Variants in CNTNAP5 observed in about 807,000 individuals in gnomAD.
CNTNAP5 encodes the protein contactin-associated protein-like 5.
In CNTNAP5, 72 loss-of-function variants were observed where a neutral mutation model predicts 150.2. The observed-to-expected ratio is 0.48, with a 90% CI of 0.40 to 0.58. The LOEUF (loss-of-function observed/expected upper bound fraction) is 0.58. CNTNAP5 is among the 20% of genes least tolerant of loss of function. CNTNAP5 has a pLI of 0.00. For missense variants in CNTNAP5, 1,636 were observed against 1,626.2 expected (o/e 1.01, Z -0.10); for synonymous variants, 672 against 619.8 (o/e 1.08, Z -1.25).
intron 1 of CNTNAP5, among the ~76,000 whole-genome samples, chr2:124,207,236 G>A (rs1489708254): frequency 6.6e-6 from 1 of 152,144 alleles, no homozygotes; most frequent in Non-Finnish European, 1.5e-5. Context: ...TCTTCCTCCT[G>A]TCTTTTCCAA....
intron 13 of CNTNAP5, among the ~76,000 whole-genome samples, chr2:124,725,705 G>A (rs913770897): frequency 2.6e-5 from 4 of 151,920 alleles, no homozygotes; most frequent in East Asian, 3.9e-4. Flanking sequence ...CTCTTCGAAC[G>A]ACATGTCTCT....
intron 1 of CNTNAP5, among the ~76,000 whole-genome samples, chr2:124,052,311 T>G (rs1341054711): frequency 6.6e-6 from 1 of 152,198 alleles, no homozygotes; most frequent in Admixed American, 6.5e-5. Context: ...AACCTTCATC[T>G]GCAAATGATA....
chr2:124,585,456 G>A (rs1365321661), intron 11 of CNTNAP5, among the ~76,000 whole-genome samples: 2 of 152,154 alleles, frequency 1.3e-5, no homozygotes, highest in African/African-American at 2.4e-5. Context: ...ATGGATCCAG[G>A]AACAGAGATC....
intron 1 of CNTNAP5, among the ~76,000 whole-genome samples, chr2:124,126,616 T>A (rs1558766186): frequency 2.0e-5 from 3 of 152,104 alleles, no homozygotes; most frequent in Non-Finnish European, 4.4e-5. Context: ...AAAAAGAGAA[T>A]TTTAGTCCAA....
At chr2:124,257,847 T>C (rs1225717776) in intron 3 of CNTNAP5, among the ~76,000 whole-genome samples, 2 of 152,158 alleles carry the variant, frequency 1.3e-5, no homozygotes, top group African/African-American at 4.8e-5. Flanking sequence ...TGGTCTGGTA[T>C]GGAGTAAACA....
chr2:124,653,911 A>ACC (rs70996088), intron 13 of CNTNAP5, among the ~76,000 whole-genome samples: 1,515 of 57,360 alleles, frequency 0.026, 58 homozygotes, highest in African/African-American at 0.038. Context: ...ACTGCCCCCA[A>ACC]CCCCCCCCCC....
At chr2:124,404,005 C>T (rs1474326737) in intron 3 of CNTNAP5, among the ~76,000 whole-genome samples, 2 of 152,170 alleles carry the variant, frequency 1.3e-5, no homozygotes, top group Non-Finnish European at 2.9e-5. Context: ...CCACTGGGTC[C>T]CTCTCATGAC....
chr2:124,226,756 AG>A (rs1686469190), intron 2 of CNTNAP5, among the ~76,000 whole-genome samples: 1 of 152,070 alleles, frequency 6.6e-6, no homozygotes, highest in South Asian at 2.1e-4. Flanking sequence ...GAGAAGTCCA[AG>A]GTCAAGGGGG....
At chr2:124,855,167 C>CTTTTTTTTTTTTTT (rs70999224) in intron 19 of CNTNAP5, among the ~76,000 whole-genome samples, 1 of 71,434 alleles carries the variant, frequency 1.4e-5, no homozygotes. Context: ...TGGGCTTTTG[C>CTTTTTTTTTTTTTT]TTTTTTTTTT....
At chr2:124,236,303 T>C (rs1686745296) in intron 2 of CNTNAP5, among the ~76,000 whole-genome samples, 1 of 152,152 alleles carries the variant, frequency 6.6e-6, no homozygotes, top group Non-Finnish European at 1.5e-5. Context: ...CTAATTAATG[T>C]GGAACTGGAA....
At chr2:124,309,700 C>A (rs1450951984) in intron 3 of CNTNAP5, among the ~76,000 whole-genome samples, 1 of 152,166 alleles carries the variant, frequency 6.6e-6, no homozygotes, top group Non-Finnish European at 1.5e-5. Context: ...AGCGGTGCCT[C>A]CCCTGAGGAT....
At chr2:124,818,420 G>A (rs910862690) in intron 19 of CNTNAP5, among the ~76,000 whole-genome samples, 6 of 152,086 alleles carry the variant, frequency 3.9e-5, no homozygotes, top group Admixed American at 2.0e-4. Context: ...CCAGCTACTT[G>A]GGAGGCAGAG....
At chr2:124,442,162 G>C (rs1014824494) in intron 5 of CNTNAP5, among the ~76,000 whole-genome samples, 10 of 152,174 alleles carry the variant, frequency 6.6e-5, no homozygotes, top group African/African-American at 2.4e-4. Flanking sequence ...ACCCAGGAGA[G>C]AAAGGGCTGA....
intron 11 of CNTNAP5, among the ~76,000 whole-genome samples, chr2:124,565,985 ACT>A: frequency 6.6e-6 from 1 of 151,538 alleles, no homozygotes; most frequent in Non-Finnish European, 1.5e-5. Flanking sequence ...AGGAAGAAAA[ACT>A]AATGAACTCT....
In CNTNAP5 at chr2:124,352,582, C is replaced by T. The variant is rs143157275; in HGVS notation, c.382-64861C>T. On this transcript the variant is annotated intron_variant, in intron 3 of 23. Transcript: ENST00000682447. Reference sequence around the variant, plus strand: ...TTTCTGGAAGTTACATGACATTTCTCAGCTTCTGAAGTCTGCTTTGGAAAG... The same window carrying T: ...TTTCTGGAAGTTACATGACATTTCTTAGCTTCTGAAGTCTGCTTTGGAAAG... 2.6e-5 allele frequency among the ~76,000 whole-genome samples: 4 copies of T among 152,294 alleles called. No individual in the cohort carries two copies. The East Asian group carries it at 7.7e-4, about 29-fold the overall frequency.
At chr2:124,323,668 C>T (rs1317006427) in intron 3 of CNTNAP5, among the ~76,000 whole-genome samples, 1 of 152,140 alleles carries the variant, frequency 6.6e-6, no homozygotes, top group Non-Finnish European at 1.5e-5. Context: ...TTCCATTTAG[C>T]CTGCTAAATC....
chr2:124,039,011 C>G (rs1681295996), intron 1 of CNTNAP5, among the ~76,000 whole-genome samples: 1 of 152,174 alleles, frequency 6.6e-6, no homozygotes, highest in Non-Finnish European at 1.5e-5. Context: ...CTAAGTTACA[C>G]TAAATAAGCA....
rs189065023 is a variant in CNTNAP5, at chr2:124,324,924, C to T, written c.381+82531C>T. The stretch of plus-strand genomic sequence containing the variant: ...TATGAGTAGGAAAGACATAAGCACA[C>T]GGTTTGTGAAATGCTCTTTTATTCT... On this transcript the variant is annotated intron_variant, in intron 3 of 23. Coordinates refer to ENST00000682447, the MANE Select transcript of CNTNAP5 (RefSeq NM_001367498.1). Among the ~76,000 whole-genome samples the T allele has an allele frequency of 3.0e-3, 455 of 152,236 alleles. 4 individuals are homozygous for T. The highest frequency in any genetic ancestry group is 8.3e-3 in the Admixed American group (127 of 15,298).
At chr2:124,066,098 C>A (rs551592787) in intron 1 of CNTNAP5, among the ~76,000 whole-genome samples, 18 of 152,262 alleles carry the variant, frequency 1.2e-4, no homozygotes, top group Non-Finnish European at 2.5e-4. Context: ...CTCCACTTAG[C>A]TGACACTGGG....
Sources: gnomAD v4.1 joint callset for allele counts (sites outside exome capture counted in the v4.1 genomes callset) on GRCh38, gnomAD v4.1.1 for gene constraint, MANE v1.5 for transcripts, NCBI Gene and HGNC (gene_info 2026-07-23, HGNC 2026-07-21) for gene names.